Variants in RBFOX3 observed in about 807,000 individuals in gnomAD.
RBFOX3 encodes the protein RNA binding fox-1 homolog 3.
A neutral mutation model predicts 48.7 loss-of-function variants in RBFOX3; 17 were observed. That is an observed-to-expected ratio of 0.35 (90% CI 0.24 to 0.52). RBFOX3 has a LOEUF of 0.52. Among genes scored for constraint, RBFOX3 ranks in the 20% least tolerant of loss-of-function variants. The pLI is 0.94. For synonymous variants in RBFOX3, 212 were observed against 209.5 expected (o/e 1.01, Z -0.10); for missense variants, 382 against 497.5 (o/e 0.77, Z 2.21).
At position 79,212,685 on chromosome 17, in the gene RBFOX3, G is replaced by A. The variant is rs1600031595; in HGVS notation, c.-34+23081C>T. On this transcript the variant is annotated intron_variant, in intron 4 of 14. Transcript: ENST00000693108. This position sits in a 1 kb window ranked among gnomAD's most constrained non-coding sequence, Gnocchi z 4.7. ...CTGCTCCTTTTCAATCACAAATGTC[G>A]CTGACAGTCCCCACACTACCACTTG... Among the ~76,000 whole-genome samples, 1 of 152,152 alleles carries A rather than the reference G, an allele frequency of 6.6e-6. No homozygotes were observed.
chr17:79,524,710 G>A (rs1038819126), intron 1 of RBFOX3, among the ~76,000 whole-genome samples: 8 of 152,158 alleles, frequency 5.3e-5, no homozygotes, highest in Admixed American at 2.0e-4. Context: ...GAGCAGACAC[G>A]GGCACTGCAT....
chr17:79,592,518 T>C, intron 1 of RBFOX3, among the ~76,000 whole-genome samples: 1 of 152,046 alleles, frequency 6.6e-6, no homozygotes, highest in Non-Finnish European at 1.5e-5. Context: ...CAGGTCACCC[T>C]GTGGGCAACT....
chr17:79,091,057 C>T (rs1299506825), intron 14 of RBFOX3, among the ~76,000 whole-genome samples, 172 bp from the exon 15 acceptor site: 1 of 152,140 alleles, frequency 6.6e-6, no homozygotes, highest in Non-Finnish European at 1.5e-5. Flanking sequence ...TGGGTGGATC[C>T]CAGGATGGGG....
intron 3 of RBFOX3, among the ~76,000 whole-genome samples, chr17:79,273,641 G>A (rs2068165196): frequency 6.6e-6 from 1 of 152,144 alleles, no homozygotes; most frequent in Non-Finnish European, 1.5e-5. Context: ...CCCTGGTCCT[G>A]GGGCACATAG....
intron 3 of RBFOX3, among the ~76,000 whole-genome samples, chr17:79,304,635 T>G (rs1390472705): frequency 1.3e-5 from 2 of 152,120 alleles, no homozygotes; most frequent in Non-Finnish European, 2.9e-5. Flanking sequence ...CTATTGCTTG[T>G]GTAATAATAA....
At chr17:79,631,563 G>A in the RBFOX3 span, among the ~76,000 whole-genome samples, 153 of 152,250 alleles carry the variant, frequency 1.0e-3, 1 homozygote, top group Non-Finnish European at 1.6e-3. Flanking sequence ...CTGACCACAC[G>A]GGGCCTGGGA....
intron 1 of RBFOX3, among the ~76,000 whole-genome samples, chr17:79,574,974 T>C (rs2092808442): frequency 6.6e-6 from 1 of 152,224 alleles, no homozygotes; most frequent in Non-Finnish European, 1.5e-5. Flanking sequence ...ATGCCGCTGC[T>C]GGTCCAAGGA....
At position 79,361,520 on chromosome 17, in the gene RBFOX3, G is replaced by A. The variant is rs189744853; in HGVS notation, c.-174-53696C>T. Among the ~76,000 whole-genome samples the A allele has an allele frequency of 2.3e-4, 35 of 152,262 alleles. No homozygotes were observed. In the East Asian group the frequency reaches 5.0e-3, roughly 22 times the overall value. ...CACCACCTCCTGCCCCTGAGCCCGCGTGGCTCTCTGTGCCACAGCTGGAGA... is the reference window on the plus strand; with the variant it reads ...CACCACCTCCTGCCCCTGAGCCCGCATGGCTCTCTGTGCCACAGCTGGAGA... On this transcript the variant is annotated intron_variant, in intron 2 of 14. Coordinates refer to ENST00000693108, the MANE Select transcript of RBFOX3 (RefSeq NM_001350451.2). The surrounding 1 kb of genome is among the most constrained non-coding windows in gnomAD (Gnocchi z 4.5).
At chr17:79,611,140 C>CTCTCTCTCTCTCTCTT (rs2093961814), upstream of RBFOX3, among the ~76,000 whole-genome samples, 1 of 27,634 alleles carries the variant, frequency 3.6e-5, no homozygotes, top group African/African-American at 8.4e-5. Flanking sequence ...TTCTCTCTCT[C>CTCTCTCTCTCTCTCTT]TCTCTCTCTC....
At chr17:79,142,294 G>A (rs576974515) in intron 4 of RBFOX3, among the ~76,000 whole-genome samples, 19 of 152,292 alleles carry the variant, frequency 1.2e-4, no homozygotes, top group African/African-American at 2.9e-4. Flanking sequence ...AGGTGGCTGC[G>A]GAGCCTCCAG....
intron 4 of RBFOX3, among the ~76,000 whole-genome samples, chr17:79,145,178 G>C (rs1568220823): frequency 1.3e-5 from 2 of 152,150 alleles, no homozygotes; most frequent in Admixed American, 6.5e-5. Flanking sequence ...CACAGATTCT[G>C]TCCCATCATC....
chr17:79,326,835 A>G (rs1421788773), intron 2 of RBFOX3, among the ~76,000 whole-genome samples: 1 of 152,224 alleles, frequency 6.6e-6, no homozygotes, highest in Non-Finnish European at 1.5e-5. Context: ...TCCCATTTCT[A>G]CAGGACTTCA....
At position 79,421,479 on chromosome 17, in the gene RBFOX3, T is replaced by A. The variant is rs997778486; in HGVS notation, c.-175+60975A>T. Among the ~76,000 whole-genome samples the A allele has an allele frequency of 6.6e-6, 1 of 152,026 alleles. No individual in the cohort carries two copies. The highest frequency in any genetic ancestry group is 1.5e-5 in the Non-Finnish European group (1 of 67,994). ...ACAGCCACTGGCAGGACAGCAGCTC[T>A]CAGCCCCTCCCCCTGAAGAAAGCAT... is the stretch of plus-strand genomic sequence containing the variant. On this transcript the variant is annotated intron_variant, in intron 2 of 14. Coordinates refer to ENST00000693108, the MANE Select transcript of RBFOX3 (RefSeq NM_001350451.2). This position sits in a 1 kb window ranked among gnomAD's most constrained non-coding sequence, Gnocchi z 4.5.
In RBFOX3 at chr17:79,473,596, T is replaced by C. The variant is rs2077315057; in HGVS notation, c.-175+8858A>G. ...TCTTTGTTGAACTTGGGTTTATCTT[T>C]GCTTGCTTTCAGGCCCTCCCATAAT... On this transcript the variant is annotated intron_variant, in intron 2 of 14. Transcript: ENST00000693108. This position sits in a 1 kb window ranked among gnomAD's most constrained non-coding sequence, Gnocchi z 4.2. Among the ~76,000 whole-genome samples, 1 of 152,222 alleles carries C rather than the reference T, an allele frequency of 6.6e-6. No individual in the cohort carries two copies. The highest frequency in any genetic ancestry group is 2.4e-5 in the African/African-American group (1 of 41,452).
intron 3 of RBFOX3, among the ~76,000 whole-genome samples, chr17:79,286,095 C>T (rs1600419548): frequency 6.6e-6 from 1 of 152,302 alleles, no homozygotes; most frequent in African/African-American, 2.4e-5. Context: ...CTGTGACCTT[C>T]TAGAAGCTGA....
chr17:79,517,945 G>A (rs2031481155), intron 1 of RBFOX3, among the ~76,000 whole-genome samples: 1 of 152,158 alleles, frequency 6.6e-6, no homozygotes, highest in Non-Finnish European at 1.5e-5. Flanking sequence ...TGATCCTGAA[G>A]TGCAGACAGG....
chr17:79,488,758 T>C (rs938296520), intron 1 of RBFOX3, among the ~76,000 whole-genome samples: 10 of 152,300 alleles, frequency 6.6e-5, no homozygotes, highest in Admixed American at 2.0e-4. Flanking sequence ...CCCTGCCCCC[T>C]GTATGAGGCA....
intron 1 of RBFOX3, among the ~76,000 whole-genome samples, chr17:79,549,396 A>G (rs1555792919): frequency 6.6e-6 from 1 of 152,208 alleles, no homozygotes; most frequent in African/African-American, 2.4e-5. Flanking sequence ...TCCACTAGAG[A>G]CAGGGAGAGG....
At chr17:79,289,078 A>G (rs2072673465) in intron 3 of RBFOX3, among the ~76,000 whole-genome samples, 1 of 152,030 alleles carries the variant, frequency 6.6e-6, no homozygotes, top group African/African-American at 2.4e-5. Context: ...TTGGAAAGTG[A>G]CCTCACCAGA....
Sources: allele counts gnomAD v4.1 joint callset (sites outside exome capture counted in the v4.1 genomes callset), GRCh38; gene constraint gnomAD v4.1.1; non-coding constraint Gnocchi (gnomAD v3.1); transcripts MANE v1.5; gene names NCBI Gene and HGNC (gene_info 2026-07-23, HGNC 2026-07-21).